BRI3: variants seen among roughly 807,000 people sequenced by gnomAD.
The protein encoded by BRI3 is membrane protein BRI3.
BRI3 carries 6 observed loss-of-function variants against 12.8 expected under a neutral mutation model. The ratio of observed to expected loss-of-function variants is 0.47; its 90% CI spans 0.26 to 0.93. The LOEUF (loss-of-function observed/expected upper bound fraction) is 0.93. Among genes scored for constraint, BRI3 ranks in the 40% least tolerant of loss-of-function variants. The probability of loss-of-function intolerance (pLI) is 0.15; values close to 1 mark genes in which losing one functional copy is unlikely to be tolerated. For missense variants in BRI3, 134 were observed against 171.1 expected (o/e 0.78, Z 1.21); for synonymous variants, 91 against 76.1 (o/e 1.20, Z -1.02).
intron 2 of BRI3, among the ~76,000 whole-genome samples, chr7:98,289,664 C>T (rs544007680): frequency 6.6e-6 from 1 of 152,284 alleles, no homozygotes; most frequent in Admixed American, 6.5e-5. Context: ...GGGGTTTGGG[C>T]CCCCAGGAGG....
At chr7:98,301,830 T>A (rs1274868046), upstream of BRI3, among the ~76,000 whole-genome samples, 1 of 152,032 alleles carries the variant, frequency 6.6e-6, no homozygotes, top group Non-Finnish European at 1.5e-5. Context: ...GGGTGTGAGC[T>A]GAGAATACCA....
intron 1 of BRI3, among the ~76,000 whole-genome samples, chr7:98,301,402 T>G (rs574918023): frequency 6.6e-6 from 1 of 151,752 alleles, no homozygotes; most frequent in Non-Finnish European, 1.5e-5. Context: ...GGCTTTTGAA[T>G]GTTCTTGGAT....
intron 1 of BRI3, among the ~76,000 whole-genome samples, chr7:98,300,191 C>T (rs747497197): frequency 3.3e-5 from 5 of 152,216 alleles, no homozygotes; most frequent in Non-Finnish European, 7.3e-5. Context: ...CTCTGACACA[C>T]ACATGCTTGA....
chr7:98,281,950 C>T lies in BRI3; in HGVS notation c.142+13C>T. On this transcript the variant is annotated intron_variant, in intron 1 of 2. Coordinates refer to ENST00000297290, the MANE Select transcript of BRI3 (RefSeq NM_015379.5). ...TACCTCGTCACAGGTGGGCCCGTAA[C>T]CAACTTTCCCCGCCGGCGGCTTCCG... 1.5e-6 allele frequency: 2 copies of T among 1,297,570 alleles called. No individual in the cohort carries two copies. Among genetic ancestry groups the T allele is most frequent in the Admixed American group, 3.9e-5 (1 of 25,384 alleles). 80.4% of individuals were successfully genotyped at this position (1,297,570 alleles called of 1,614,324 possible).
downstream of BRI3, chr7:98,293,245 A>G (rs1452282595): frequency 8.1e-6 from 3 of 369,192 alleles, no homozygotes; most frequent in Non-Finnish European, 1.5e-5. Context: ...AAATACAGTA[A>G]AGATTGAAAC....
rs1040552439 is a variant in BRI3, at chr7:98,307,724, A to G, written n.354A>G. 5 of 1,614,120 alleles carry G rather than the reference A, an allele frequency of 3.1e-6. No individual in the cohort carries two copies. In the African/African-American group the frequency reaches 5.3e-5, roughly 17 times the overall value. Reference sequence around the variant, plus strand: ...CGTCGTGTTCTCCATAGAGCCAGCCATCCTTCTCCTCGGGGATGAGCAGCG... The same window carrying G: ...CGTCGTGTTCTCCATAGAGCCAGCCGTCCTTCTCCTCGGGGATGAGCAGCG... On this transcript the variant is annotated non_coding_transcript_exon_variant, in exon 2 of 2. Transcript: ENST00000485422.
At chr7:98,314,701 G>A (rs534637289), downstream of BRI3, among the ~76,000 whole-genome samples, 55 of 152,222 alleles carry the variant, frequency 3.6e-4, no homozygotes, top group African/African-American at 1.2e-3. Flanking sequence ...ATGGGGGCCC[G>A]TGGGCTGGGG....
upstream of BRI3, among the ~76,000 whole-genome samples, chr7:98,306,012 G>A (rs996237597): frequency 6.6e-6 from 1 of 152,170 alleles, no homozygotes; most frequent in Non-Finnish European, 1.5e-5. Context: ...GGGGTGCAAA[G>A]AGCTGGTGAG....
At chr7:98,288,430 G>A (rs893697457) in intron 2 of BRI3, among the ~76,000 whole-genome samples, 4 of 152,070 alleles carry the variant, frequency 2.6e-5, no homozygotes, top group African/African-American at 9.7e-5. Flanking sequence ...GGGCAGCCCT[G>A]GGCAAGGCTG....
chr7:98,312,757 A>ATT (rs1754333917), downstream of BRI3, among the ~76,000 whole-genome samples: 1 of 51,598 alleles, frequency 1.9e-5, no homozygotes, highest in Non-Finnish European at 4.5e-5. Context: ...GGGAAGAGGG[A>ATT]CTGGGTGAGT....
At chr7:98,292,385 T>C, downstream of BRI3, 1 of 472,550 alleles carries the variant, frequency 2.1e-6, no homozygotes, top group Non-Finnish European at 3.8e-6. Flanking sequence ...ATTTTTGTAT[T>C]TTTAGTAGAG....
At chr7:98,312,375 T>C (rs1562969504), downstream of BRI3, 1 of 1,224,672 alleles carries the variant, frequency 8.2e-7, no homozygotes, top group Non-Finnish European at 1.1e-6. Context: ...GCACCAGGAG[T>C]GTGGGGGCCC....
intron 1 of BRI3, among the ~76,000 whole-genome samples, chr7:98,299,928 C>T (rs959875962): frequency 1.1e-4 from 16 of 152,132 alleles, no homozygotes; most frequent in African/African-American, 3.9e-4. Flanking sequence ...GTAGTCCCAG[C>T]TACTTAGGAG....
rs1176182758 is a variant in BRI3, at chr7:98,291,109, A to G, written c.246-2A>G. The G allele has an allele frequency of 5.6e-6, 9 of 1,613,892 alleles. No individual in the cohort carries two copies. Among genetic ancestry groups the G allele is most frequent in the Non-Finnish European group, 6.8e-6 (8 of 1,179,994 alleles). ...CACCCTCTCTGCCCGTCTCTGCTGC[A>G]GGGTTGGGGTGCTGGAGGACTGCTT... is the stretch of plus-strand genomic sequence containing the variant. On this transcript the variant is annotated splice_acceptor_variant, in intron 2 of 2. Coordinates refer to ENST00000297290, the MANE Select transcript of BRI3 (RefSeq NM_015379.5). LOFTEE classifies it high-confidence loss of function.
chr7:98,317,113 A>C, the BRI3 span: 8 of 1,436,576 alleles, frequency 5.6e-6, no homozygotes, highest in African/African-American at 9.9e-5. Context: ...TCGGCCTCCC[A>C]AAGTGCTGGG....
Position 98,282,345 on chromosome 7 carries a change from C to T in BRI3, c.143-6C>T. The T allele has an allele frequency of 6.2e-7, 1 of 1,612,168 alleles. No homozygotes were observed. On this transcript the variant is annotated splice_region_variant and splice_polypyrimidine_tract_variant and intron_variant, in intron 1 of 2. Coordinates refer to ENST00000297290, the MANE Select transcript of BRI3 (RefSeq NM_015379.5). ...GCACCCTAATGACCTGCTTTCCCGC[C>T]CACAGGGATACCCACCCACCATCCC...
downstream of BRI3, chr7:98,293,524 T>C: frequency 1.2e-6 from 2 of 1,613,196 alleles, no homozygotes; most frequent in South Asian, 2.2e-5. Flanking sequence ...TGTCCTCTCA[T>C]CGAATGATGG....
intron 2 of BRI3, among the ~76,000 whole-genome samples, chr7:98,283,499 C>T (rs1183306697): frequency 6.6e-6 from 1 of 151,722 alleles, no homozygotes; most frequent in Non-Finnish European, 1.5e-5. Flanking sequence ...AGTTGGTCAC[C>T]ACCCAGCAGA....
chr7:98,304,090 T>TC, upstream of BRI3: 1 of 1,217,154 alleles, frequency 8.2e-7, no homozygotes, highest in Non-Finnish European at 1.1e-6. Flanking sequence ...GACACCACTC[T>TC]CCCCCTGGGG....
Sources: gnomAD v4.1 joint callset for allele counts (sites outside exome capture counted in the v4.1 genomes callset) on GRCh38, gnomAD v4.1.1 for gene constraint, MANE v1.5 for transcripts, NCBI Gene and HGNC (gene_info 2026-07-23, HGNC 2026-07-21) for gene names.